The following HMGN5 variants were observed in gnomAD, a reference collection of about 807,000 sequenced individuals.
HMGN5 encodes high mobility group nucleosome binding domain 5.
In HMGN5, 4 loss-of-function variants were observed where a neutral mutation model predicts 9.5. The ratio of observed to expected loss-of-function variants is 0.42; its 90% CI spans 0.21 to 0.96. The LOEUF (loss-of-function observed/expected upper bound fraction) is 0.96. HMGN5 is among the 40% of genes least tolerant of loss of function. The pLI is 0.30. For synonymous variants in HMGN5, 55 were observed against 57.1 expected (o/e 0.96, Z 0.16); for missense variants, 192 against 187.5 (o/e 1.02, Z -0.14).
intron 2 of HMGN5, among the ~76,000 whole-genome samples, chrX:81,120,220 ATCTTATCCTC>A (rs754979192): frequency 8.9e-6 from 1 of 111,834 alleles, no homozygotes; most frequent in African/African-American, 3.2e-5. Flanking sequence ...AATTGTACCT[ATCTTATCCTC>A]TCCACTGATT....
At chrX:81,183,162 T>C (rs2075467584) in intron 1 of HMGN5, among the ~76,000 whole-genome samples, 1 of 111,957 alleles carries the variant, frequency 8.9e-6, no homozygotes, top group South Asian at 3.7e-4. Flanking sequence ...AGCATAAAAG[T>C]TTGGAAAATT....
Position 81,201,842 on chromosome X carries a change from A to C in HMGN5, c.-229T>G, listed in dbSNP as rs1177196502. The stretch of plus-strand genomic sequence containing the variant: ...GTGAAAAGGTCCTTCATGCTAATCT[A>C]ATTCAATTCAGTTCTCCTTTTTCTT... On this transcript the variant is annotated 5_prime_UTR_variant, in exon 1 of 7. In the 5' UTR this introduces an upstream ATG that the reference lacks. Transcript: ENST00000358130. 1 of 224,315 alleles carries C rather than the reference A, an allele frequency of 4.5e-6. No homozygotes were observed. The allele number at this position is 224,315 out of a possible 1,213,427, so 18.5% of individuals were successfully genotyped here.
At chrX:81,153,781 A>G (rs1473741299) in intron 1 of HMGN5, among the ~76,000 whole-genome samples, 2 of 103,268 alleles carry the variant, frequency 1.9e-5, no homozygotes, top group African/African-American at 7.1e-5. Flanking sequence ...TCCCATTTAT[A>G]ATAGCCACAC....
intron 1 of HMGN5, among the ~76,000 whole-genome samples, chrX:81,200,426 A>T (rs1033555101): frequency 8.9e-6 from 1 of 112,199 alleles, no homozygotes; most frequent in African/African-American, 3.2e-5. Context: ...TTATTGCAGC[A>T]CTATTCATAA....
chrX:81,189,397 C>T (rs917382886), intron 1 of HMGN5, among the ~76,000 whole-genome samples: 1 of 111,678 alleles, frequency 9.0e-6, no homozygotes, highest in Non-Finnish European at 1.9e-5. Flanking sequence ...TCTCTACCTA[C>T]CCCCAGCCCC....
chrX:81,142,967 G>A (rs1194624873), intron 1 of HMGN5, among the ~76,000 whole-genome samples: 5 of 111,494 alleles, frequency 4.5e-5, no homozygotes, highest in Non-Finnish European at 9.4e-5. Flanking sequence ...GCAACAATAA[G>A]CTAAAAAGCA....
intron 1 of HMGN5, among the ~76,000 whole-genome samples, chrX:81,185,013 G>A (rs1202137025): frequency 8.9e-6 from 1 of 111,754 alleles, no homozygotes; most frequent in African/African-American, 3.2e-5. Flanking sequence ...TTACCATGCT[G>A]TTTTAGTTAC....
chrX:81,122,485 C>A (rs537813439), intron 1 of HMGN5, among the ~76,000 whole-genome samples: 1 of 111,746 alleles, frequency 8.9e-6, no homozygotes, highest in Middle Eastern at 4.6e-3. Flanking sequence ...TTGAGGTACT[C>A]GCCTCAGGCA....
intron 1 of HMGN5, among the ~76,000 whole-genome samples, chrX:81,188,524 C>T (rs1164781395): frequency 3.7e-5 from 4 of 109,357 alleles, no homozygotes; most frequent in African/African-American, 1.3e-4. Flanking sequence ...ACGTGCACAA[C>T]GTGCAGGTTT....
At chrX:81,184,828 C>T in intron 1 of HMGN5, among the ~76,000 whole-genome samples, 1 of 111,277 alleles carries the variant, frequency 9.0e-6, no homozygotes, top group South Asian at 3.7e-4. Context: ...GGACCTAGTT[C>T]CATTCTTTTG....
rs1466057800 is a variant in HMGN5 at position 81,153,621 on chromosome X, A to C, written c.-123-31949T>G. Among the ~76,000 whole-genome samples, 44 of 48,917 alleles carry C rather than the reference A, an allele frequency of 9.0e-4. 3 individuals carry two copies. The highest frequency in any genetic ancestry group is 2.6e-3 in the East Asian group (3 of 1,161). 42.5% of individuals were successfully genotyped at this position (48,917 alleles called of 115,157 possible). A position where few individuals can be genotyped will look rare whatever the true frequency, so the allele number is the denominator to read the frequency against. Reference sequence around the variant, plus strand: ...TATATATATATATATATATATATATATATATATATATATATATATGTATCT... The same window carrying C: ...TATATATATATATATATATATATATCTATATATATATATATATATGTATCT... On this transcript the variant is annotated intron_variant, in intron 1 of 6. Transcript: ENST00000358130.
intron 1 of HMGN5, among the ~76,000 whole-genome samples, chrX:81,152,397 C>T (rs1355455972): frequency 1.8e-5 from 2 of 111,441 alleles, no homozygotes; most frequent in African/African-American, 3.3e-5. Flanking sequence ...TGAAAAAATG[C>T]TCACCATCAC....
At chrX:81,141,408 A>G (rs1333168289) in intron 1 of HMGN5, among the ~76,000 whole-genome samples, 1 of 109,515 alleles carries the variant, frequency 9.1e-6, no homozygotes, top group East Asian at 2.9e-4. Flanking sequence ...TTATAGTGGC[A>G]GTGGCCACAA....
At chrX:81,196,100 G>A (rs5959837) in intron 1 of HMGN5, among the ~76,000 whole-genome samples, 2,122 of 111,476 alleles carry the variant, frequency 0.019, 48 homozygotes, top group African/African-American at 0.065. Context: ...CTCCTCTGCA[G>A]ATACTCCCCT....
intron 1 of HMGN5, among the ~76,000 whole-genome samples, chrX:81,194,666 G>C (rs1163768276): frequency 1.8e-5 from 2 of 111,460 alleles, no homozygotes; most frequent in African/African-American, 6.5e-5. Flanking sequence ...TTCAATTCTG[G>C]GACGACCTTT....
At chrX:81,188,584 G>A (rs932697135) in intron 1 of HMGN5, among the ~76,000 whole-genome samples, 2 of 109,433 alleles carry the variant, frequency 1.8e-5, no homozygotes, top group African/African-American at 3.3e-5. Flanking sequence ...CCATTAACTC[G>A]TCATTTACAT....
At chrX:81,198,803 T>G (rs191245632) in intron 1 of HMGN5, among the ~76,000 whole-genome samples, 27 of 111,857 alleles carry the variant, frequency 2.4e-4, no homozygotes, top group African/African-American at 7.8e-4. Flanking sequence ...AAGCATTCCC[T>G]TTGAAAACTG....
Position 81,196,598 on chromosome X carries a change from G to A in HMGN5, c.-124+5139C>T, listed in dbSNP as rs761914596. Among the ~76,000 whole-genome samples, 4 of 109,630 alleles carry A rather than the reference G, an allele frequency of 3.6e-5. No individual in the cohort carries two copies. In the East Asian group the frequency reaches 1.2e-3, roughly 32 times the overall value. ...TTGAGGAGTTTAGCTCTGTCGCCAG[G>A]CTGGAGTTCAGTGGCGTGATCTCGG... On this transcript the variant is annotated intron_variant, in intron 1 of 6. Coordinates refer to ENST00000358130, the MANE Select transcript of HMGN5 (RefSeq NM_030763.3).
chrX:81,139,470 G>A (rs767471784), intron 1 of HMGN5, among the ~76,000 whole-genome samples: 12 of 110,013 alleles, frequency 1.1e-4, no homozygotes, highest in East Asian at 5.7e-4. Flanking sequence ...TATCTTCCCC[G>A]CAAGGACAGT....
Sources: allele counts gnomAD v4.1 joint callset (sites outside exome capture counted in the v4.1 genomes callset), GRCh38; gene constraint gnomAD v4.1.1; transcripts MANE v1.5; gene names NCBI Gene and HGNC (gene_info 2026-07-23, HGNC 2026-07-21).